Variants in MYH10 observed in about 807,000 individuals in gnomAD.
The protein encoded by MYH10 is myosin heavy chain 10.
In MYH10, 55 loss-of-function variants were observed where a neutral mutation model predicts 257.8. The ratio of observed to expected loss-of-function variants is 0.21; its 90% CI spans 0.17 to 0.27. The LOEUF is 0.27. Ranked by LOEUF, MYH10 falls within the 10% of genes least tolerant of loss-of-function variation. The probability of loss-of-function intolerance (pLI) is 1.00; values close to 1 mark genes in which losing one functional copy is unlikely to be tolerated. For missense variants in MYH10, 1,631 were observed against 2,500.6 expected, an observed-to-expected ratio of 0.65 and a Z score of 7.42; for synonymous variants, 854 against 921.7, an observed-to-expected ratio of 0.93 and a Z score of 1.33.
intron 3 of MYH10, among the ~76,000 whole-genome samples, chr17:8,594,029 T>A (rs987017970): frequency 1.3e-5 from 2 of 152,144 alleles, no homozygotes; most frequent in African/African-American, 4.8e-5. Context: ...TTGTTGATTT[T>A]CCACAAAGGT....
Position 8,595,703 on chromosome 17 carries a change from T to C in MYH10, c.503-6595A>G, listed in dbSNP as rs149881503. Among the ~76,000 whole-genome samples, 216 of 152,266 alleles carry C rather than the reference T, an allele frequency of 1.4e-3. 1 individual carries two copies. In the Middle Eastern group the frequency reaches 0.034, roughly 24 times the overall value. ...GCCTTGGCCTCCCAAAGTGCTGGGA[T>C]TACAGGCATGAGTCACCAAGCCCGG... On this transcript the variant is annotated intron_variant, in intron 3 of 42. Transcript: ENST00000360416.
chr17:8,494,032 AAC>A, intron 31 of MYH10, 147 bp from the exon 32 acceptor site: 2 of 877,360 alleles, frequency 2.3e-6, no homozygotes, highest in Non-Finnish European at 3.4e-6. Flanking sequence ...ATGATTTAAA[AAC>A]ACACACGATA....
At chr17:8,494,439 CT>C (rs1473278984) in intron 31 of MYH10, among the ~76,000 whole-genome samples, 3 of 152,182 alleles carry the variant, frequency 2.0e-5, no homozygotes, top group Non-Finnish European at 4.4e-5. Context: ...TCGGCCTCCT[CT>C]AGTCTCACTC....
At chr17:8,512,805 T>C (rs1339395212) in intron 23 of MYH10, 148 bp from the exon 24 acceptor site, 1 of 666,508 alleles carries the variant, frequency 1.5e-6, no homozygotes, top group Admixed American at 3.5e-5. Context: ...AATACGTTTT[T>C]GTCTATAGCA....
chr17:8,499,624 TTC>T, intron 29 of MYH10, 148 bp from the exon 30 acceptor site: 2 of 737,012 alleles, frequency 2.7e-6, no homozygotes, highest in South Asian at 3.6e-5. Context: ...ATGTTTGCTG[TTC>T]TCTGAGTGTG....
chr17:8,573,195 TATAGC>T (rs1344620144), intron 6 of MYH10, among the ~76,000 whole-genome samples: 2 of 152,224 alleles, frequency 1.3e-5, no homozygotes, highest in African/African-American at 4.8e-5. Flanking sequence ...TGCTATATGA[TATAGC>T]ATGAGTTCGA....
intron 1 of MYH10, chr17:8,623,517 A>C (rs956787986): frequency 4.4e-5 from 10 of 224,932 alleles, no homozygotes; most frequent in African/African-American, 2.3e-4. Context: ...AAAAAAAGAA[A>C]AGAAAAGAAA....
chr17:8,582,949 A>C (rs2083764318), intron 4 of MYH10, among the ~76,000 whole-genome samples: 1 of 152,208 alleles, frequency 6.6e-6, no homozygotes. Flanking sequence ...CGATTTGAAA[A>C]ACACCAGATA....
At chr17:8,607,270 A>C (rs1270852931) in intron 2 of MYH10, among the ~76,000 whole-genome samples, 1 of 152,252 alleles carries the variant, frequency 6.6e-6, no homozygotes, top group Non-Finnish European at 1.5e-5. Context: ...AAAAGCTCCA[A>C]GAAAACGAAA....
chr17:8,586,160 A>C, intron 4 of MYH10, among the ~76,000 whole-genome samples: 1 of 152,204 alleles, frequency 6.6e-6, no homozygotes, highest in East Asian at 1.9e-4. Flanking sequence ...AAATAGACCA[A>C]GAGAACCCTC....
chr17:8,508,491 T>G, intron 26 of MYH10, 63 bp downstream of exon 26: 1 of 1,601,172 alleles, frequency 6.2e-7, no homozygotes, highest in Admixed American at 1.7e-5. Flanking sequence ...CATGTTCTGA[T>G]TACAGTAAAA....
intron 16 of MYH10, among the ~76,000 whole-genome samples, chr17:8,532,478 G>C (rs1321338971): frequency 1.3e-5 from 2 of 152,170 alleles, no homozygotes; most frequent in Admixed American, 6.5e-5. Flanking sequence ...AAAAGTGCAG[G>C]TAAGGAGTCT....
chr17:8,546,661 A>C lies in MYH10; in HGVS notation c.1161T>G (p.Val387=), dbSNP rs200297193. The C allele has an allele frequency of 2.6e-4, 421 of 1,612,700 alleles. No individual in the cohort carries two copies. The highest frequency in any genetic ancestry group is 3.3e-4 in the Non-Finnish European group (387 of 1,179,054). ...CAAGAAGATGGCAGAGCTTCTGCGC[A>C]ACTGAAGTGTAAAAAGTCTCCTAAA... ...TDQASMPENT[V]AQKLCHLLGM... Residue 387 remains valine, a splice_region_variant and synonymous_variant, in exon 12 of 43, where the codon GTT becomes GTG. Coordinates refer to ENST00000360416, the MANE Select transcript of MYH10 (RefSeq NM_001256012.3).
intron 42 of MYH10, 123 bp downstream of exon 42, chr17:8,476,753 T>G: frequency 1.8e-6 from 2 of 1,093,376 alleles, no homozygotes; most frequent in Non-Finnish European, 2.6e-6. Flanking sequence ...ATGAAGTGGT[T>G]CGGGAGAAAG....
chr17:8,495,518 C>T (rs1258696802), intron 30 of MYH10, among the ~76,000 whole-genome samples: 2 of 152,076 alleles, frequency 1.3e-5, no homozygotes, highest in Non-Finnish European at 2.9e-5. Flanking sequence ...CTACCTTCTT[C>T]TATTTTTATC....
intron 21 of MYH10, among the ~76,000 whole-genome samples, chr17:8,517,206 C>T (rs537988294): frequency 5.3e-5 from 8 of 152,270 alleles, no homozygotes; most frequent in Non-Finnish European, 8.8e-5. Context: ...AGTATCAACC[C>T]GAAGATATCA....
chr17:8,486,148 G>A (rs1457121301), intron 36 of MYH10, among the ~76,000 whole-genome samples: 1 of 152,184 alleles, frequency 6.6e-6, no homozygotes. Flanking sequence ...TGAAAGATTA[G>A]TAGTTGATTA....
rs138023063 is a variant in MYH10, at chr17:8,572,174, T to C, written c.664-2362A>G. 8.6e-5 allele frequency among the ~76,000 whole-genome samples: 13 copies of C among 151,914 alleles called. No homozygotes were observed. The East Asian group carries it at 2.1e-3, about 25-fold the overall frequency. ...ATCTTACTTTAATATTACTTAGATATGGCTAAAAGGATTATTTGAGTCAAA... is the reference window on the plus strand; with the variant it reads ...ATCTTACTTTAATATTACTTAGATACGGCTAAAAGGATTATTTGAGTCAAA... On this transcript the variant is annotated intron_variant, in intron 6 of 42. Transcript: ENST00000360416.
chr17:8,573,190 T>C (rs1452264660), intron 6 of MYH10, among the ~76,000 whole-genome samples: 3 of 152,242 alleles, frequency 2.0e-5, no homozygotes, highest in Admixed American at 6.5e-5. Context: ...ACACTTGCTA[T>C]ATGATATAGC....
Sources: allele counts gnomAD v4.1 joint callset (sites outside exome capture counted in the v4.1 genomes callset), GRCh38; gene constraint gnomAD v4.1.1; transcripts MANE v1.5; gene names NCBI Gene and HGNC (gene_info 2026-07-23, HGNC 2026-07-21).